UBR3: variants seen among roughly 807,000 people sequenced by gnomAD.
UBR3 encodes the protein ubiquitin protein ligase E3 component n-recognin 3.
Under a neutral mutation model 243.2 loss-of-function variants are expected in UBR3, and 85 were observed. That is an observed-to-expected ratio of 0.35 (90% CI 0.29 to 0.42). The LOEUF (loss-of-function observed/expected upper bound fraction) is 0.42, where lower values mean the gene tolerates loss of function less well. UBR3 is among the 10% of genes least tolerant of loss of function. UBR3 has a pLI of 1.00. For synonymous variants in UBR3, 748 were observed against 799.8 expected (o/e 0.94, Z 1.09); for missense variants, 1,686 against 2,300.8 (o/e 0.73, Z 5.47).
chr2:170,015,307 A>T lies in UBR3; in HGVS notation c.4394A>T (p.His1465Leu). The change falls in exon 30 of 39, where the codon CAT (histidine) becomes CTT (leucine). Residue 1465 changes from histidine (H) to leucine (L), a missense_variant. His to Leu is a moderately conservative substitution (Grantham distance 99, BLOSUM62 -3). This residue lies in a region of UBR3 where 371 missense variants were observed against 422.5 expected (regional missense o/e 0.88). Transcript: ENST00000272793. ...ACCAATTTAGAACTTGAATTGATTC[A>T]TCGAGGAGGCAATTTGTGTTCAGGT... ...ARTNLELELIHRGGNLCSGGA... is the reference protein window; with the variant it reads ...ARTNLELELILRGGNLCSGGA... 6.2e-7 allele frequency: 1 copy of T among 1,611,274 alleles called. No homozygotes were observed. The highest frequency in any genetic ancestry group is 8.5e-7 in the Non-Finnish European group (1 of 1,178,448).
rs141075719 is a variant in UBR3 at position 169,911,337 on chromosome 2, C to G, written c.1780-2723C>G. ...TTAATGTGGTCTTGACTCTTCAGAG[C>G]ACTTAACTATTTGTCAGACATAGTG... is the stretch of plus-strand genomic sequence containing the variant. On this transcript the variant is annotated intron_variant, in intron 10 of 38. Coordinates refer to ENST00000272793, the MANE Select transcript of UBR3 (RefSeq NM_172070.4). Among the ~76,000 whole-genome samples, 122 of 152,240 alleles carry G rather than the reference C, an allele frequency of 8.0e-4. 1 individual carries two copies. The highest frequency in any genetic ancestry group is 2.4e-3 in the Admixed American group (37 of 15,288).
At chr2:169,920,487 T>A (rs536420789) in intron 11 of UBR3, among the ~76,000 whole-genome samples, 4 of 151,826 alleles carry the variant, frequency 2.6e-5, no homozygotes, top group Non-Finnish European at 5.9e-5. Context: ...AAGCAGTAAT[T>A]TATTATGAAT....
intron 1 of UBR3, 91 bp downstream of exon 1, chr2:169,828,143 CTGTCAAGGGGAGGG>C: frequency 8.1e-7 from 1 of 1,229,000 alleles, no homozygotes; most frequent in South Asian, 2.1e-5. Context: ...CCACTCTGAG[CTGTCAAGGGGAGGG>C]TGCGGGGGAG....
At chr2:169,861,499 C>T (rs767278516) in intron 1 of UBR3, among the ~76,000 whole-genome samples, 4 of 151,154 alleles carry the variant, frequency 2.6e-5, no homozygotes, top group South Asian at 2.1e-4. Context: ...CCTGGCTACT[C>T]GGGAGCCTGA....
At chr2:169,828,327 T>G (rs2081813712) in intron 1 of UBR3, among the ~76,000 whole-genome samples, 1 of 151,454 alleles carries the variant, frequency 6.6e-6, no homozygotes, top group African/African-American at 2.4e-5. Context: ...AAAGAGCCAG[T>G]GTATGGGGTA....
intron 1 of UBR3, among the ~76,000 whole-genome samples, chr2:169,848,381 AATAG>A (rs1475411218): frequency 4.7e-5 from 7 of 148,728 alleles, no homozygotes; most frequent in South Asian, 2.1e-4. Context: ...CTTTGATTAT[AATAG>A]ATAGAAGAAA....
intron 20 of UBR3, among the ~76,000 whole-genome samples, chr2:169,943,175 T>C (rs897446934): frequency 6.6e-6 from 1 of 152,236 alleles, no homozygotes; most frequent in Non-Finnish European, 1.5e-5. Context: ...TTTGTTTTAT[T>C]TTGGGATCTT....
At chr2:170,037,906 T>C (rs1034863196) in intron 31 of UBR3, among the ~76,000 whole-genome samples, 3 of 152,168 alleles carry the variant, frequency 2.0e-5, no homozygotes, top group African/African-American at 7.2e-5. Flanking sequence ...CAATTTGGAC[T>C]GATTTTAAAT....
intron 1 of UBR3, among the ~76,000 whole-genome samples, chr2:169,868,380 C>T (rs950264397): frequency 7.2e-5 from 11 of 152,184 alleles, no homozygotes; most frequent in African/African-American, 2.7e-4. Flanking sequence ...CTCATTCTGT[C>T]ATCCAGGCTG....
At chr2:169,940,755 C>A (rs2086550530) in intron 19 of UBR3, among the ~76,000 whole-genome samples, 2 of 152,120 alleles carry the variant, frequency 1.3e-5, no homozygotes, top group Non-Finnish European at 2.9e-5. Context: ...TATGAGGCTG[C>A]TATTACAGTT....
At chr2:170,024,234 A>T (rs2090466799) in intron 30 of UBR3, among the ~76,000 whole-genome samples, 1 of 151,600 alleles carries the variant, frequency 6.6e-6, no homozygotes. Context: ...GGAGCCTGTA[A>T]TCCCAGCTAC....
chr2:169,996,545 G>T (rs184077252), intron 26 of UBR3, among the ~76,000 whole-genome samples: 24 of 152,074 alleles, frequency 1.6e-4, no homozygotes, highest in Non-Finnish European at 2.9e-5. Context: ...AGGTAATAAG[G>T]GTCATGCTTC....
chr2:169,907,225 C>T (rs1383252509), intron 10 of UBR3, among the ~76,000 whole-genome samples: 1 of 151,652 alleles, frequency 6.6e-6, no homozygotes, highest in African/African-American at 2.4e-5. Flanking sequence ...TTTGTAGAGA[C>T]AGGGTTTCAC....
At chr2:169,995,672 G>T (rs758390392) in intron 26 of UBR3, among the ~76,000 whole-genome samples, 2 of 152,082 alleles carry the variant, frequency 1.3e-5, no homozygotes, top group Non-Finnish European at 2.9e-5. Flanking sequence ...TTCATTTAAA[G>T]ATATATAATA....
chr2:170,041,748 C>T (rs1173692746), intron 32 of UBR3, among the ~76,000 whole-genome samples: 1 of 152,030 alleles, frequency 6.6e-6, no homozygotes, highest in Non-Finnish European at 1.5e-5. Context: ...AGTCTTGTTC[C>T]TGGGGAAGAC....
chr2:169,951,578 A>G (rs1156918669), intron 23 of UBR3, among the ~76,000 whole-genome samples: 3 of 152,166 alleles, frequency 2.0e-5, no homozygotes, highest in Non-Finnish European at 4.4e-5. Context: ...AGTAGGACAT[A>G]AGGCTAAGAA....
chr2:170,061,054 G>A (rs770189294), intron 33 of UBR3, 25 bp from the exon 34 acceptor site: 1 of 1,450,826 alleles, frequency 6.9e-7, no homozygotes, highest in Admixed American at 2.4e-5. Context: ...AGTGACCAGT[G>A]TAACCAATAT....
chr2:169,989,239 G>C (rs2089168703), intron 25 of UBR3, among the ~76,000 whole-genome samples: 1 of 152,072 alleles, frequency 6.6e-6, no homozygotes, highest in African/African-American at 2.4e-5. Context: ...AAATTCTTCA[G>C]TATCATCAAA....
At chr2:170,022,942 A>G (rs1035755159) in intron 30 of UBR3, among the ~76,000 whole-genome samples, 1 of 151,966 alleles carries the variant, frequency 6.6e-6, no homozygotes, top group Non-Finnish European at 1.5e-5. Context: ...CCATCTCTTC[A>G]TGGCTGATTT....
Sources: allele counts gnomAD v4.1 joint callset (sites outside exome capture counted in the v4.1 genomes callset), GRCh38; gene constraint gnomAD v4.1.1; regional missense constraint gnomAD v4.1.1; transcripts MANE v1.5; gene names NCBI Gene and HGNC (gene_info 2026-07-23, HGNC 2026-07-21).